GRB2: variants seen among roughly 807,000 people sequenced by gnomAD.
GRB2 encodes the protein growth factor receptor bound protein 2.
A neutral mutation model predicts 27.4 loss-of-function variants in GRB2; 2 were observed. That is an observed-to-expected ratio of 0.07 (90% CI 0.03 to 0.23). The LOEUF (loss-of-function observed/expected upper bound fraction) is 0.23, where lower values mean the gene tolerates loss of function less well. Ranked by LOEUF, GRB2 falls within the 10% of genes least tolerant of loss-of-function variation. The pLI is 1.00. For synonymous variants in GRB2, 94 were observed against 99.6 expected (o/e 0.94, Z 0.33); for missense variants, 102 against 282.4 (o/e 0.36, Z 4.58).
chr17:75,333,276 AT>A (rs1468839359), intron 2 of GRB2, among the ~76,000 whole-genome samples: 1 of 152,092 alleles, frequency 6.6e-6, no homozygotes, highest in Non-Finnish European at 1.5e-5. Flanking sequence ...GGGTTTCACC[AT>A]GTTGGCCAGG....
intron 2 of GRB2, among the ~76,000 whole-genome samples, chr17:75,352,232 C>T (rs2078697167): frequency 6.6e-6 from 1 of 152,194 alleles, no homozygotes; most frequent in South Asian, 2.1e-4. Context: ...ACAGCCCCTG[C>T]TCTTGGCAGG....
chr17:75,321,842 A>C lies in GRB2; in HGVS notation c.300-15T>G, dbSNP rs200248899. ...CGTTTCCAAACCTGGGAGGGACAGA[A>C]AGCACATGTGACCGGCTAAAGGCTC... On this transcript the variant is annotated splice_polypyrimidine_tract_variant and intron_variant, in intron 4 of 5. Transcript: ENST00000316804. The C allele has an allele frequency of 2.5e-4, 409 of 1,612,432 alleles. No individual in the cohort carries two copies. The highest frequency in any genetic ancestry group is 3.1e-4 in the Non-Finnish European group (371 of 1,179,812).
chr17:75,330,016 T>C (rs2078528111), intron 3 of GRB2, among the ~76,000 whole-genome samples: 1 of 152,144 alleles, frequency 6.6e-6, no homozygotes, highest in Non-Finnish European at 1.5e-5. Context: ...CTTTGTTGAA[T>C]AGGCTGGAGT....
chr17:75,341,998 A>G (rs1227672507), intron 2 of GRB2, among the ~76,000 whole-genome samples: 1 of 152,146 alleles, frequency 6.6e-6, no homozygotes, highest in South Asian at 2.1e-4. Flanking sequence ...CCTGCCGTGC[A>G]GTCAGCTAGT....
Position 75,337,895 on chromosome 17 carries a change from C to CTATTAT in GRB2, c.79-5099_79-5098insATAATA, listed in dbSNP as rs1349829988. 5.9e-4 allele frequency among the ~76,000 whole-genome samples: 74 copies of CTATTAT among 124,452 alleles called. 1 individual carries two copies. Among genetic ancestry groups the CTATTAT allele is most frequent in the African/African-American group, 1.6e-3 (50 of 30,570 alleles). The allele number at this position is 124,452 out of a possible 152,430, so 81.6% of individuals were successfully genotyped here. On this transcript the variant is annotated intron_variant, in intron 2 of 5. Coordinates refer to ENST00000316804, the MANE Select transcript of GRB2 (RefSeq NM_002086.5). ...ATTACTACTACTACTACTACTACTA[C>CTATTAT]TACTACTATTATTATTATTATTATT...
chr17:75,376,982 G>C (rs1390708447), intron 2 of GRB2, among the ~76,000 whole-genome samples: 1 of 151,998 alleles, frequency 6.6e-6, no homozygotes, highest in African/African-American at 2.4e-5. Flanking sequence ...CTGCACTCCA[G>C]CCTGGGTAAG....
chr17:75,377,994 T>C (rs902821203), intron 2 of GRB2, among the ~76,000 whole-genome samples: 1 of 152,200 alleles, frequency 6.6e-6, no homozygotes, highest in Non-Finnish European at 1.5e-5. Context: ...AGTCTGCTGG[T>C]GTGTCTTCCC....
rs2078435804 is a variant in GRB2 at position 75,318,937 on chromosome 17, T to G, written c.*1431A>C. 6.8e-6 allele frequency: 1 copy of G among 146,864 alleles called. No homozygotes were observed. The highest frequency in any genetic ancestry group is 6.8e-5 in the Admixed American group (1 of 14,640). The allele number at this position is 146,864 out of a possible 1,614,324, so 9.1% of individuals were successfully genotyped here. A position where few individuals can be genotyped will look rare whatever the true frequency, so the allele number is the denominator to read the frequency against. ...GTCTGGGACTTGCTGGTTCCAGGGG[T>G]GCATATAGGGAGGGGGCGGGGGCCA... is the stretch of plus-strand genomic sequence containing the variant. On this transcript the variant is annotated 3_prime_UTR_variant, in exon 6 of 6. Coordinates refer to ENST00000316804, the MANE Select transcript of GRB2 (RefSeq NM_002086.5).
At chr17:75,369,603 C>T (rs760361034) in intron 2 of GRB2, among the ~76,000 whole-genome samples, 2 of 151,106 alleles carry the variant, frequency 1.3e-5, no homozygotes, top group Non-Finnish European at 2.9e-5. Flanking sequence ...ACCTGTAATC[C>T]CAGCACTTTG....
intron 2 of GRB2, among the ~76,000 whole-genome samples, chr17:75,390,639 T>A (rs978959176): frequency 2.6e-5 from 4 of 152,188 alleles, no homozygotes. Context: ...ATGCTTTTAT[T>A]TTTTCCTCTT....
intron 3 of GRB2, among the ~76,000 whole-genome samples, chr17:75,329,196 A>T (rs2078522494): frequency 6.6e-6 from 1 of 152,042 alleles, no homozygotes; most frequent in South Asian, 2.1e-4. Flanking sequence ...GAGGGTGAAG[A>T]TTCTCAATCA....
At chr17:75,355,992 G>A (rs989405230) in intron 2 of GRB2, among the ~76,000 whole-genome samples, 4 of 151,512 alleles carry the variant, frequency 2.6e-5, no homozygotes, top group Admixed American at 2.0e-4. Context: ...TGCCATGCCC[G>A]GCTAATTTTT....
chr17:75,395,348 TG>T (rs1908618869), intron 1 of GRB2, among the ~76,000 whole-genome samples: 1 of 152,234 alleles, frequency 6.6e-6, no homozygotes, highest in South Asian at 2.1e-4. Context: ...TGGCGCTGGC[TG>T]TAACAGGGAA....
rs563445028 is a variant in GRB2, at chr17:75,352,952, G to A, written c.79-20155C>T. On this transcript the variant is annotated intron_variant, in intron 2 of 5. Transcript: ENST00000316804. ...TGTAATCCCAGCACTTTGGGAGGCC[G>A]AGGTGGGTGGATCAGAAGGTCAGGA... Among the ~76,000 whole-genome samples, 12 of 150,816 alleles carry A rather than the reference G, an allele frequency of 8.0e-5. No individual in the cohort carries two copies. In the East Asian group the frequency reaches 1.2e-3, roughly 15 times the overall value.
chr17:75,331,216 T>TAA (rs889811707), intron 3 of GRB2, among the ~76,000 whole-genome samples: 31 of 152,342 alleles, frequency 2.0e-4, no homozygotes, highest in Admixed American at 7.2e-4. Context: ...TAAGGGTTTT[T>TAA]AAGTTGCTAG....
chr17:75,342,437 TTTTTAATAAAAAATTG>T (rs1450570792), intron 2 of GRB2, among the ~76,000 whole-genome samples: 4 of 152,168 alleles, frequency 2.6e-5, no homozygotes, highest in African/African-American at 4.8e-5. Context: ...TCTCTCTTCT[TTTTTAATAAAAAATTG>T]AGACGAGGGT....
At chr17:75,392,254 C>G (rs534473822) in intron 2 of GRB2, among the ~76,000 whole-genome samples, 1 of 152,220 alleles carries the variant, frequency 6.6e-6, no homozygotes, top group Non-Finnish European at 1.5e-5. Context: ...TGCTTTCTGA[C>G]AATTTAGTGT....
chr17:75,336,237 G>C (rs2078576022), intron 2 of GRB2, among the ~76,000 whole-genome samples: 1 of 152,176 alleles, frequency 6.6e-6, no homozygotes, highest in African/African-American at 2.4e-5. Context: ...CAGAGACAGA[G>C]TCTACGTTGC....
intron 1 of GRB2, among the ~76,000 whole-genome samples, chr17:75,394,578 T>A (rs1307657243): frequency 6.6e-6 from 1 of 152,116 alleles, no homozygotes; most frequent in Non-Finnish European, 1.5e-5. Context: ...GGCTCAGCAC[T>A]CCAGAAATAG....
Sources: gnomAD v4.1 joint callset for allele counts (sites outside exome capture counted in the v4.1 genomes callset) on GRCh38, gnomAD v4.1.1 for gene constraint, MANE v1.5 for transcripts, NCBI Gene and HGNC (gene_info 2026-07-23, HGNC 2026-07-21) for gene names.